Variants in SEMA6D observed in about 807,000 individuals in gnomAD.
SEMA6D encodes the protein semaphorin-6D.
SEMA6D carries 35 observed loss-of-function variants against 106.6 expected under a neutral mutation model. That is an observed-to-expected ratio of 0.33 (90% CI 0.25 to 0.44). The LOEUF (loss-of-function observed/expected upper bound fraction) is 0.44. Ranked by LOEUF, SEMA6D falls within the 20% of genes least tolerant of loss-of-function variation. SEMA6D has a pLI of 1.00. For synonymous variants in SEMA6D, 499 were observed against 487.7 expected, an observed-to-expected ratio of 1.02 and a Z score of -0.31; for missense variants, 1,185 against 1,345.9, an observed-to-expected ratio of 0.88 and a Z score of 1.87.
rs548180497 is a variant in SEMA6D at position 47,391,331 on chromosome 15, A to G, written c.-238-21062A>G. Among the ~76,000 whole-genome samples the G allele has an allele frequency of 7.2e-5, 11 of 152,296 alleles. No homozygotes were observed. The East Asian group carries it at 2.1e-3, about 29-fold the overall frequency. The stretch of plus-strand genomic sequence containing the variant: ...TTTCTTGGGATGGAAAACATCCTAA[A>G]TGCTAGGTCAGTTTATACCAAGGCT... On this transcript the variant is annotated intron_variant, in intron 1 of 19. Coordinates refer to the SEMA6D transcript ENST00000558014.
chr15:47,452,180 C>T (rs2042213875), intron 2 of SEMA6D, among the ~76,000 whole-genome samples: 1 of 151,964 alleles, frequency 6.6e-6, no homozygotes, highest in South Asian at 2.1e-4. Context: ...TAAATTAAAA[C>T]AAAACAAAAC....
At chr15:47,209,468 C>T (rs548708944) in intron 1 of SEMA6D, among the ~76,000 whole-genome samples, 1 of 152,194 alleles carries the variant, frequency 6.6e-6, no homozygotes, top group South Asian at 2.1e-4. Context: ...TCCAATAATC[C>T]AGTTTTCTAC....
At chr15:47,458,121 A>G (rs1305388309) in intron 2 of SEMA6D, among the ~76,000 whole-genome samples, 1 of 151,998 alleles carries the variant, frequency 6.6e-6, no homozygotes, top group Non-Finnish European at 1.5e-5. Flanking sequence ...AGATCTATAC[A>G]AAGTAATAAA....
chr15:47,745,011 A>C (rs2147150361), intron 1 of SEMA6D, among the ~76,000 whole-genome samples: 1 of 152,322 alleles, frequency 6.6e-6, no homozygotes, highest in African/African-American at 2.4e-5. Context: ...GGCTGAGTTA[A>C]GAGTAGAATC....
intron 1 of SEMA6D, among the ~76,000 whole-genome samples, chr15:47,734,373 G>A (rs1312589147): frequency 6.6e-6 from 1 of 152,158 alleles, no homozygotes. Context: ...CTGGGTATGT[G>A]ACCTGGAGCT....
chr15:47,315,887 A>G (rs2036648625), intron 1 of SEMA6D, among the ~76,000 whole-genome samples: 1 of 152,052 alleles, frequency 6.6e-6, no homozygotes, highest in African/African-American at 2.4e-5. Flanking sequence ...TAAATTTCAC[A>G]TTCATTGCTG....
At chr15:47,668,653 A>G (rs903841747) in intron 4 of SEMA6D, among the ~76,000 whole-genome samples, 2 of 152,140 alleles carry the variant, frequency 1.3e-5, no homozygotes, top group Non-Finnish European at 2.9e-5. Flanking sequence ...CCTTGATATC[A>G]TAGTTCCCTG....
At chr15:47,510,067 T>G (rs1447516712) in intron 3 of SEMA6D, among the ~76,000 whole-genome samples, 1 of 152,210 alleles carries the variant, frequency 6.6e-6, no homozygotes, top group Non-Finnish European at 1.5e-5. Context: ...ACTGAGATTC[T>G]GTAGTCCAAG....
intron 3 of SEMA6D, among the ~76,000 whole-genome samples, chr15:47,521,296 G>C (rs537898961): frequency 2.2e-4 from 33 of 152,286 alleles, no homozygotes; most frequent in Non-Finnish European, 4.1e-4. Context: ...GGAAGCATCA[G>C]GCTCCACGGA....
intron 1 of SEMA6D, chr15:47,730,389 T>C: frequency 6.9e-7 from 1 of 1,445,404 alleles, no homozygotes; most frequent in Non-Finnish European, 9.6e-7. Flanking sequence ...GCCTTCCCCT[T>C]GATAATGCAG....
At chr15:47,673,886 A>G (rs924337501) in intron 4 of SEMA6D, among the ~76,000 whole-genome samples, 1 of 152,170 alleles carries the variant, frequency 6.6e-6, no homozygotes, top group African/African-American at 2.4e-5. Context: ...TCCTTAGGCT[A>G]TGTCCTCAGG....
chr15:47,533,887 A>G (rs889041789), intron 3 of SEMA6D, among the ~76,000 whole-genome samples: 1 of 152,228 alleles, frequency 6.6e-6, no homozygotes, highest in South Asian at 2.1e-4. Flanking sequence ...ATTGGATGAA[A>G]GAGTCAAAAT....
intron 1 of SEMA6D, among the ~76,000 whole-genome samples, chr15:47,260,752 G>A (rs2142073755): frequency 6.6e-6 from 1 of 152,208 alleles, no homozygotes; most frequent in South Asian, 2.1e-4. Flanking sequence ...GGATGGAATG[G>A]GGGAATTTAA....
At chr15:47,731,029 T>C in intron 1 of SEMA6D, 1 of 591,506 alleles carries the variant, frequency 1.7e-6, no homozygotes, top group Non-Finnish European at 3.0e-6. Flanking sequence ...ATTAATCTAC[T>C]TCATGAATGT....
intron 3 of SEMA6D, among the ~76,000 whole-genome samples, chr15:47,514,216 G>A (rs1219016219): frequency 1.3e-5 from 2 of 152,158 alleles, no homozygotes; most frequent in East Asian, 3.9e-4. Context: ...TTTTTCCTGG[G>A]GGCAAGAGAC....
At chr15:47,594,092 T>C (rs573387921) in intron 3 of SEMA6D, among the ~76,000 whole-genome samples, 1 of 152,332 alleles carries the variant, frequency 6.6e-6, no homozygotes, top group African/African-American at 2.4e-5. Flanking sequence ...GACAACATAA[T>C]TCACATCTCC....
chr15:47,726,680 AG>A lies in SEMA6D; in HGVS notation c.-55+8992del, dbSNP rs1378267255. 4.7e-4 allele frequency among the ~76,000 whole-genome samples: 72 copies of A among 152,212 alleles called. 1 individual carries two copies. Among genetic ancestry groups the A allele is most frequent in the Admixed American group, 4.6e-3 (70 of 15,286 alleles). On this transcript the variant is annotated intron_variant, in intron 1 of 18. Coordinates refer to ENST00000536845, the MANE Select transcript of SEMA6D (RefSeq NM_001358351.3). Reference sequence around the variant, plus strand: ...ATGATGGTGGTAATACCCACCTCCTAGGGGTGTTGTGAGACACAGATGAATT... The same window carrying A: ...ATGATGGTGGTAATACCCACCTCCTAGGGTGTTGTGAGACACAGATGAATT...
intron 3 of SEMA6D, among the ~76,000 whole-genome samples, chr15:47,510,610 A>T (rs1000449078): frequency 6.6e-6 from 1 of 152,230 alleles, no homozygotes; most frequent in Non-Finnish European, 1.5e-5. Flanking sequence ...CAAGACTTGC[A>T]TATATAAGAT....
rs114889753 is a variant in SEMA6D, at chr15:47,439,846, A to C, written c.-159+27374A>C. Among the ~76,000 whole-genome samples, 737 of 152,234 alleles carry C rather than the reference A, an allele frequency of 4.8e-3. 7 individuals carry two copies. Among genetic ancestry groups the C allele is most frequent in the African/African-American group, 0.017 (695 of 41,558 alleles). On this transcript the variant is annotated intron_variant, in intron 2 of 19. Coordinates refer to the SEMA6D transcript ENST00000558014. ...GGGATACTGCAAAAAATTTTTCCAGAAGATCACAACTGCCAAGAGGAATTT... is the reference window on the plus strand; with the variant it reads ...GGGATACTGCAAAAAATTTTTCCAGCAGATCACAACTGCCAAGAGGAATTT...
Sources: allele counts gnomAD v4.1 joint callset (sites outside exome capture counted in the v4.1 genomes callset), GRCh38; gene constraint gnomAD v4.1.1; transcripts MANE v1.5; gene names NCBI Gene and HGNC (gene_info 2026-07-23, HGNC 2026-07-21).